NRTN: variants seen among roughly 807,000 people sequenced by gnomAD.
NRTN encodes prepro-neurturin.
NRTN carries 3 observed loss-of-function variants against 7.5 expected under a neutral mutation model. The ratio of observed to expected loss-of-function variants is 0.40; its 90% CI spans 0.18 to 1.03. NRTN has a LOEUF of 1.03. NRTN is among the 50% of genes least tolerant of loss of function. NRTN has a pLI of 0.34. For missense variants in NRTN, 310 were observed against 307.0 expected, an observed-to-expected ratio of 1.01 and a Z score of -0.07; for synonymous variants, 157 against 146.6, an observed-to-expected ratio of 1.07 and a Z score of -0.51.
chr19:5,809,927 C>A (rs1201334946), intron 1 of NRTN, among the ~76,000 whole-genome samples: 1 of 152,108 alleles, frequency 6.6e-6, no homozygotes, highest in Non-Finnish European at 1.5e-5. Flanking sequence ...GGAGTTGGAT[C>A]CAGGTTCCAA....
rs1210627894 is a variant in NRTN, at chr19:5,827,846, C to CCGG, written c.276_278dup (p.Arg93dup). 8.5e-7 allele frequency: 1 copy of CCGG among 1,171,550 alleles called. No individual in the cohort carries two copies. The highest frequency in any genetic ancestry group is 4.1e-5 in the East Asian group (1 of 24,460). The allele number at this position is 1,171,550 out of a possible 1,614,324, so 72.6% of individuals were successfully genotyped here. The stretch of plus-strand genomic sequence containing the variant: ...CAGGTCCGCGCCGTCGGGCGGGGCC[C>CCGG]CGGCGGCGGCGCGCGCGTGCGCGGT... On this transcript the variant is annotated inframe_insertion, in exon 3 of 3. Transcript: ENST00000303212.
At chr19:5,822,689 C>G (rs1305680029) in intron 1 of NRTN, among the ~76,000 whole-genome samples, 1 of 152,062 alleles carries the variant, frequency 6.6e-6, no homozygotes, top group African/African-American at 2.4e-5. Flanking sequence ...GAGGAGGCAC[C>G]CTCCAAGCTG....
At chr19:5,816,953 C>T (rs964907543) in intron 1 of NRTN, among the ~76,000 whole-genome samples, 3 of 152,146 alleles carry the variant, frequency 2.0e-5, no homozygotes, top group Admixed American at 6.6e-5. Context: ...TGGATTCATG[C>T]GGTGGTGTTC....
chr19:5,815,084 C>T (rs1416163948), intron 1 of NRTN, among the ~76,000 whole-genome samples: 1 of 152,204 alleles, frequency 6.6e-6, no homozygotes, highest in African/African-American at 2.4e-5. Flanking sequence ...CACTCTCCTC[C>T]CACCGTGTCT....
chr19:5,820,563 T>TAAA (rs1599637753), intron 1 of NRTN, among the ~76,000 whole-genome samples: 3 of 44,968 alleles, frequency 6.7e-5, no homozygotes, highest in African/African-American at 4.2e-4. Flanking sequence ...AGACTCCGTC[T>TAAA]CAAAAAAAAA....
chr19:5,807,309 G>A (rs2056977566), intron 1 of NRTN, among the ~76,000 whole-genome samples: 1 of 152,158 alleles, frequency 6.6e-6, no homozygotes, highest in Admixed American at 6.6e-5. Flanking sequence ...AGAGGTGCAA[G>A]TTGTTAATGT....
intron 2 of NRTN, among the ~76,000 whole-genome samples, chr19:5,825,102 G>A (rs886463738): frequency 5.3e-5 from 8 of 152,038 alleles, no homozygotes; most frequent in Admixed American, 2.6e-4. Context: ...GCTAAAAACC[G>A]GAAGAAAGGC....
At position 5,828,284 on chromosome 19, in the gene NRTN, C is replaced by T. The variant is rs1291579763; in HGVS notation, c.*111C>T. 2 of 1,226,744 alleles carry T rather than the reference C, an allele frequency of 1.6e-6. No homozygotes were observed. 76.0% of individuals were successfully genotyped at this position (1,226,744 alleles called of 1,614,324 possible). A position where few individuals can be genotyped will look rare whatever the true frequency, so the allele number is the denominator to read the frequency against. ...AGAGCACGCCGGCGCGGCCCCGGGA[C>T]TCTCGCGATAACTGTACTGAGATAA... On this transcript the variant is annotated 3_prime_UTR_variant, in exon 3 of 3. Transcript: ENST00000303212.
At chr19:5,819,640 G>T (rs890176525) in intron 1 of NRTN, among the ~76,000 whole-genome samples, 2 of 152,066 alleles carry the variant, frequency 1.3e-5, no homozygotes, top group African/African-American at 4.8e-5. Flanking sequence ...TCCAGCCTGG[G>T]CAACAAGAGC....
At chr19:5,825,378 G>A (rs1363097747) in intron 2 of NRTN, among the ~76,000 whole-genome samples, 6 of 152,176 alleles carry the variant, frequency 3.9e-5, no homozygotes, top group Admixed American at 2.6e-4. Flanking sequence ...GGCAGGGTGC[G>A]TGTGCAGCGC....
intron 1 of NRTN, among the ~76,000 whole-genome samples, chr19:5,807,085 AGAG>A (rs1396798832): frequency 2.0e-5 from 3 of 152,160 alleles, no homozygotes; most frequent in Non-Finnish European, 2.9e-5. Flanking sequence ...GAAGGGCCTC[AGAG>A]GTGGGGCTGT....
chr19:5,809,264 G>A (rs1225783090), intron 1 of NRTN, among the ~76,000 whole-genome samples: 1 of 150,410 alleles, frequency 6.6e-6, no homozygotes, highest in East Asian at 2.0e-4. Flanking sequence ...TCCACCTCCT[G>A]GACTCAAGCG....
chr19:5,824,998 G>T (rs558191891), intron 2 of NRTN, among the ~76,000 whole-genome samples: 9 of 152,154 alleles, frequency 5.9e-5, no homozygotes, highest in African/African-American at 9.6e-5. Flanking sequence ...GGCGCAGCAG[G>T]GGGGGCGGTG....
rs1269684971 is a variant in NRTN, at chr19:5,810,284, A to T, written c.-399+4833A>T. On this transcript the variant is annotated intron_variant, in intron 1 of 2. Coordinates refer to ENST00000303212, the MANE Select transcript of NRTN (RefSeq NM_004558.5). ...CTGTCTCAAAAAAAAAAAAAAAAAAATTTTTTTTTGTAAAGACAGAGTCTT... is the reference window on the plus strand; with the variant it reads ...CTGTCTCAAAAAAAAAAAAAAAAAATTTTTTTTTTGTAAAGACAGAGTCTT... Among the ~76,000 whole-genome samples the T allele has an allele frequency of 3.3e-4, 48 of 147,598 alleles. 1 individual carries two copies. The highest frequency in any genetic ancestry group is 2.2e-3 in the South Asian group (10 of 4,628).
chr19:5,815,996 T>C (rs2057004144), intron 1 of NRTN, among the ~76,000 whole-genome samples: 1 of 151,732 alleles, frequency 6.6e-6, no homozygotes, highest in Non-Finnish European at 1.5e-5. Context: ...CCACCCGCCT[T>C]GGCCTCTCGA....
At chr19:5,814,057 T>C (rs2056998139) in intron 1 of NRTN, among the ~76,000 whole-genome samples, 1 of 150,902 alleles carries the variant, frequency 6.6e-6, no homozygotes, top group Non-Finnish European at 1.5e-5. Flanking sequence ...GGACCAGGAG[T>C]GAAACGGAGA....
chr19:5,827,907 G>T lies in NRTN; in HGVS notation c.328G>T (p.Val110Leu). The change falls in exon 3 of 3, where the codon GTG becomes TTG. Residue 110 changes from valine (V) to leucine (L), a missense_variant. Physicochemically the swap from Val to Leu is conservative, Grantham distance 32. Coordinates refer to ENST00000303212, the MANE Select transcript of NRTN (RefSeq NM_004558.5). ...GCCTTGCGGGCTGCGCGAGCTGGAG[G>T]TGCGCGTGAGCGAGCTGGGCCTGGG... ...ARPCGLRELE[V>L]RVSELGLGYA... 1 of 1,444,662 alleles carries T rather than the reference G, an allele frequency of 6.9e-7. No homozygotes were observed. The highest frequency in any genetic ancestry group is 1.4e-5 in the South Asian group (1 of 71,140). The allele number at this position is 1,444,662 out of a possible 1,614,324, so 89.5% of individuals were successfully genotyped here.
At chr19:5,809,688 C>T (rs575936670) in intron 1 of NRTN, among the ~76,000 whole-genome samples, 31 of 152,218 alleles carry the variant, frequency 2.0e-4, no homozygotes, top group African/African-American at 6.5e-4. Context: ...GTGCTGGAGG[C>T]GGAACCCAGC....
chr19:5,824,708 A>G (rs959233999), intron 2 of NRTN, among the ~76,000 whole-genome samples: 1 of 152,138 alleles, frequency 6.6e-6, no homozygotes, highest in Non-Finnish European at 1.5e-5. Context: ...CTTGAGCCCA[A>G]GAGTTCAAGG....
Sources: allele counts gnomAD v4.1 joint callset (sites outside exome capture counted in the v4.1 genomes callset), GRCh38; gene constraint gnomAD v4.1.1; transcripts MANE v1.5; gene names NCBI Gene and HGNC (gene_info 2026-07-23, HGNC 2026-07-21).